The following CACHD1 variants were observed in gnomAD, a reference collection of about 807,000 sequenced individuals.
CACHD1 encodes the protein cache domain containing 1.
Under a neutral mutation model 138.7 loss-of-function variants are expected in CACHD1, and 71 were observed. That is an observed-to-expected ratio of 0.51 (90% CI 0.42 to 0.62). CACHD1 has a LOEUF of 0.62. CACHD1 is among the 20% of genes least tolerant of loss of function. The pLI is 0.00. For synonymous variants in CACHD1, 578 were observed against 591.5 expected (o/e 0.98, Z 0.33); for missense variants, 1,389 against 1,625.3 (o/e 0.85, Z 2.50).
intron 3 of CACHD1, among the ~76,000 whole-genome samples, chr1:64,600,246 C>G (rs1647199402): frequency 6.6e-6 from 1 of 152,162 alleles, no homozygotes; most frequent in African/African-American, 2.4e-5. Flanking sequence ...AGTACCAGTG[C>G]TCATGCAGAA....
At chr1:64,505,882 C>G (rs1242416231) in intron 1 of CACHD1, 1 of 130,148 alleles carries the variant, frequency 7.7e-6, no homozygotes, top group African/African-American at 2.8e-5. Flanking sequence ...CCGCCGGGTC[C>G]CCCGCTTCGT....
intron 2 of CACHD1, among the ~76,000 whole-genome samples, chr1:64,554,423 T>G (rs1249041447): frequency 2.0e-5 from 3 of 152,124 alleles, no homozygotes; most frequent in Non-Finnish European, 4.4e-5. Flanking sequence ...AGAGTAGAAG[T>G]GCTGGGTGTC....
At chr1:64,543,460 T>G (rs1446981759) in intron 1 of CACHD1, among the ~76,000 whole-genome samples, 1 of 148,806 alleles carries the variant, frequency 6.7e-6, no homozygotes, top group Non-Finnish European at 1.5e-5. Flanking sequence ...GCACACGTCC[T>G]AGCTACTTGG....
intron 8 of CACHD1, 88 bp downstream of exon 8, chr1:64,642,057 T>A (rs1250259364): frequency 1.6e-6 from 2 of 1,220,438 alleles, no homozygotes; most frequent in Admixed American, 3.0e-5. Context: ...ATCATAACAG[T>A]GTGCTTGGAT....
chr1:64,584,508 A>G (rs79806866), intron 3 of CACHD1, among the ~76,000 whole-genome samples: 2,260 of 152,268 alleles, frequency 0.015, 54 homozygotes, highest in African/African-American at 0.052. Context: ...GGAGCAACTC[A>G]ACAATTGCCC....
intron 8 of CACHD1, among the ~76,000 whole-genome samples, chr1:64,642,414 C>T (rs555094875): frequency 6.6e-6 from 1 of 152,350 alleles, no homozygotes; most frequent in South Asian, 2.1e-4. Context: ...CTGCCACTTT[C>T]TCCACCTCAG....
chr1:64,573,832 C>T (rs1646945415), intron 2 of CACHD1, among the ~76,000 whole-genome samples: 1 of 151,752 alleles, frequency 6.6e-6, no homozygotes, highest in African/African-American at 2.4e-5. Context: ...AGGGTGATTA[C>T]CAAGGGCTGT....
At chr1:64,635,443 G>A (rs1346013869) in intron 7 of CACHD1, among the ~76,000 whole-genome samples, 3 of 147,170 alleles carry the variant, frequency 2.0e-5, no homozygotes, top group African/African-American at 5.1e-5. Context: ...GAGTGTGATC[G>A]CGCAATCCCG....
chr1:64,517,618 A>G (rs1388889677), intron 1 of CACHD1, among the ~76,000 whole-genome samples: 2 of 152,184 alleles, frequency 1.3e-5, no homozygotes, highest in Non-Finnish European at 2.9e-5. Context: ...CTGATGGGGC[A>G]GGAAGACAGT....
intron 4 of CACHD1, among the ~76,000 whole-genome samples, chr1:64,608,943 T>C (rs1647429804): frequency 6.6e-6 from 1 of 152,192 alleles, no homozygotes; most frequent in Admixed American, 6.5e-5. Context: ...TGGACTTTCT[T>C]TATTGCGTTT....
chr1:64,489,822 G>A (rs1261744379), intron 1 of CACHD1, among the ~76,000 whole-genome samples: 1 of 152,198 alleles, frequency 6.6e-6, no homozygotes, highest in Non-Finnish European at 1.5e-5. Flanking sequence ...GGTGTGTGGG[G>A]ATGATAGATG....
At chr1:64,626,480 G>T (rs72914244) in intron 4 of CACHD1, among the ~76,000 whole-genome samples, 7,025 of 152,230 alleles carry the variant, frequency 0.046, 566 homozygotes, top group African/African-American at 0.16. Flanking sequence ...TTGTCACTCC[G>T]CACTCTACAT....
At chr1:64,510,944 A>G (rs1646415740) in intron 1 of CACHD1, among the ~76,000 whole-genome samples, 1 of 152,210 alleles carries the variant, frequency 6.6e-6, no homozygotes, top group African/African-American at 2.4e-5. Context: ...GGCTGTGGGT[A>G]CATTGGAATT....
At chr1:64,495,036 T>A (rs934751236) in intron 1 of CACHD1, among the ~76,000 whole-genome samples, 1 of 152,082 alleles carries the variant, frequency 6.6e-6, no homozygotes, top group African/African-American at 2.4e-5. Flanking sequence ...CTGGAGAATA[T>A]GGGCATGGGT....
intron 1 of CACHD1, among the ~76,000 whole-genome samples, chr1:64,482,317 CA>C (rs1282654259): frequency 6.6e-6 from 1 of 152,092 alleles, no homozygotes; most frequent in Non-Finnish European, 1.5e-5. Flanking sequence ...TGTTCTAACA[CA>C]ATCCGCTTTA....
chr1:64,530,408 TTGTG>T (rs1292884914), intron 1 of CACHD1, among the ~76,000 whole-genome samples: 2 of 152,166 alleles, frequency 1.3e-5, no homozygotes, highest in Non-Finnish European at 2.9e-5. Context: ...TTAGAAATCT[TTGTG>T]TACACATCTG....
chr1:64,480,097 T>G (rs1418542821), intron 1 of CACHD1, among the ~76,000 whole-genome samples: 1 of 152,216 alleles, frequency 6.6e-6, no homozygotes, highest in Non-Finnish European at 1.5e-5. Flanking sequence ...GTCCCTCCTG[T>G]GGAGTTGTGC....
At chr1:64,575,465 CACAT>C (rs1646959484) in intron 2 of CACHD1, among the ~76,000 whole-genome samples, 1 of 152,126 alleles carries the variant, frequency 6.6e-6, no homozygotes, top group Non-Finnish European at 1.5e-5. Context: ...ATTTTTATGT[CACAT>C]ACATTCAAAT....
chr1:64,589,171 A>T (rs1647076993), intron 3 of CACHD1, among the ~76,000 whole-genome samples: 1 of 152,168 alleles, frequency 6.6e-6, no homozygotes, highest in Non-Finnish European at 1.5e-5. Context: ...CTGCTATTTT[A>T]CAGGGAGCTC....
Sources: allele counts gnomAD v4.1 joint callset (sites outside exome capture counted in the v4.1 genomes callset), GRCh38; gene constraint gnomAD v4.1.1; transcripts MANE v1.5; gene names NCBI Gene and HGNC (gene_info 2026-07-23, HGNC 2026-07-21).